Variants in ASTN1 observed in about 807,000 individuals in gnomAD.
ASTN1 encodes astrotactin 1.
In ASTN1, 41 loss-of-function variants were observed where a neutral mutation model predicts 140.7. The ratio of observed to expected loss-of-function variants is 0.29; its 90% CI spans 0.23 to 0.38. The LOEUF (loss-of-function observed/expected upper bound fraction) is 0.38, where lower values mean the gene tolerates loss of function less well. Ranked by LOEUF, ASTN1 falls within the 10% of genes least tolerant of loss-of-function variation. The probability of loss-of-function intolerance (pLI) is 1.00; values close to 1 mark genes in which losing one functional copy is unlikely to be tolerated. For missense variants in ASTN1, 1,479 were observed against 1,678.8 expected (o/e 0.88, Z 2.08); for synonymous variants, 640 against 652.2 (o/e 0.98, Z 0.29).
At chr1:177,009,837 G>A (rs951162246) in intron 8 of ASTN1, among the ~76,000 whole-genome samples, 22 of 152,090 alleles carry the variant, frequency 1.4e-4, no homozygotes, top group East Asian at 1.3e-3. Context: ...ATGAATGATC[G>A]CTCTGTCTCC....
intron 1 of ASTN1, among the ~76,000 whole-genome samples, chr1:177,149,278 GTAAATATATATATAGTA>G (rs1403096774): frequency 5.2e-4 from 43 of 82,686 alleles, no homozygotes; most frequent in Admixed American, 7.5e-4. Context: ...ACTATATATA[GTAAATATATATATAGTA>G]TATATATAGT....
At chr1:176,939,400 C>A (rs1671592550) in intron 14 of ASTN1, among the ~76,000 whole-genome samples, 1 of 152,194 alleles carries the variant, frequency 6.6e-6, no homozygotes, top group South Asian at 2.1e-4. Context: ...AACAACCGAA[C>A]TCCATTACTT....
chr1:176,876,105 G>A (rs1457064663), intron 21 of ASTN1, among the ~76,000 whole-genome samples: 1 of 152,156 alleles, frequency 6.6e-6, no homozygotes, highest in African/African-American at 2.4e-5. Context: ...CCAGGGATGG[G>A]AGGATTTAGC....
chr1:176,893,889 G>A (rs1669376334), intron 17 of ASTN1, among the ~76,000 whole-genome samples: 1 of 152,212 alleles, frequency 6.6e-6, no homozygotes, highest in South Asian at 2.1e-4. Flanking sequence ...TTCTGACACA[G>A]TTCTCCAGCC....
At chr1:177,109,146 G>T (rs1680692252) in intron 1 of ASTN1, among the ~76,000 whole-genome samples, 1 of 152,138 alleles carries the variant, frequency 6.6e-6, no homozygotes, top group African/African-American at 2.4e-5. Flanking sequence ...GTAAAACTAA[G>T]ACTGAGAATA....
chr1:177,125,262 A>G (rs1681586958), intron 1 of ASTN1, among the ~76,000 whole-genome samples: 2 of 152,342 alleles, frequency 1.3e-5, no homozygotes, highest in East Asian at 3.9e-4. Flanking sequence ...CAGAGAGAGA[A>G]GGCAATCCAA....
At chr1:177,156,614 C>A (rs995756218) in intron 1 of ASTN1, among the ~76,000 whole-genome samples, 3 of 152,172 alleles carry the variant, frequency 2.0e-5, no homozygotes, top group African/African-American at 7.2e-5. Flanking sequence ...AGAAAAAATT[C>A]TCTTATATAG....
At chr1:176,945,847 A>C in intron 13 of ASTN1, 79 bp downstream of exon 13, 1 of 1,390,706 alleles carries the variant, frequency 7.2e-7, no homozygotes, top group African/African-American at 1.4e-5. Context: ...CAACATATAA[A>C]GCTTTATGCT....
chr1:177,114,702 C>T (rs1250735954), intron 1 of ASTN1, among the ~76,000 whole-genome samples: 2 of 152,108 alleles, frequency 1.3e-5, no homozygotes, highest in African/African-American at 4.8e-5. Context: ...GCAATTTTAT[C>T]ACATGTGTAG....
chr1:176,905,627 T>C (rs990221827), intron 16 of ASTN1, among the ~76,000 whole-genome samples: 12 of 152,286 alleles, frequency 7.9e-5, no homozygotes, highest in African/African-American at 2.9e-4. Flanking sequence ...CTTCCCTGCC[T>C]GCTGGAGCCA....
chr1:177,058,785 A>C (rs947052139), intron 2 of ASTN1, among the ~76,000 whole-genome samples: 1 of 151,538 alleles, frequency 6.6e-6, no homozygotes, highest in African/African-American at 2.4e-5. Context: ...TGGTGCTCCC[A>C]TCCCCCCAGC....
In ASTN1 at chr1:177,150,682, C is replaced by T. The variant is rs139339445; in HGVS notation, c.283+13712G>A. 4.0e-3 allele frequency among the ~76,000 whole-genome samples: 610 copies of T among 152,128 alleles called. 8 individuals carry two copies. Among genetic ancestry groups the T allele is most frequent in the African/African-American group, 0.014 (585 of 41,504 alleles). ...ATTTTTAGGGATGAGAAGGGTGTGA[C>T]CCTAGTTATGGGTAAGTAAAATGGA... On this transcript the variant is annotated intron_variant, in intron 1 of 22. Coordinates refer to ENST00000361833, the MANE Select transcript of ASTN1 (RefSeq NM_004319.3).
chr1:177,029,827 C>T, intron 4 of ASTN1, 86 bp from the exon 5 acceptor site: 3 of 1,290,312 alleles, frequency 2.3e-6, no homozygotes, highest in Non-Finnish European at 3.2e-6. Context: ...ATGGGAAAAT[C>T]AACAAAAATG....
chr1:176,880,021 C>G (rs1043732976), intron 20 of ASTN1, among the ~76,000 whole-genome samples: 1 of 152,200 alleles, frequency 6.6e-6, no homozygotes, highest in Non-Finnish European at 1.5e-5. Flanking sequence ...ACACTCAGCA[C>G]CCTCAGAGGG....
intron 1 of ASTN1, among the ~76,000 whole-genome samples, chr1:177,148,581 A>C (rs1355134658): frequency 1.3e-5 from 2 of 151,386 alleles, no homozygotes; most frequent in Non-Finnish European, 2.9e-5. Context: ...GGAAATAACT[A>C]GGCCTTTGAA....
At chr1:177,154,733 G>C (rs1398411720) in intron 1 of ASTN1, among the ~76,000 whole-genome samples, 1 of 151,488 alleles carries the variant, frequency 6.6e-6, no homozygotes, top group Non-Finnish European at 1.5e-5. Flanking sequence ...AACAGTGAGT[G>C]AAAACTGAGA....
intron 16 of ASTN1, among the ~76,000 whole-genome samples, chr1:176,927,214 A>T (rs1008430053): frequency 1.3e-5 from 2 of 152,228 alleles, no homozygotes; most frequent in Non-Finnish European, 2.9e-5. Context: ...GCAACTGGCC[A>T]GGACAAAAAA....
chr1:177,093,647 A>C (rs888176181), intron 1 of ASTN1, among the ~76,000 whole-genome samples: 1 of 152,206 alleles, frequency 6.6e-6, no homozygotes, highest in African/African-American at 2.4e-5. Context: ...GATCCTGCAC[A>C]CACCCTCAAG....
chr1:177,063,130 A>C (rs941448709), intron 1 of ASTN1, among the ~76,000 whole-genome samples: 2 of 152,202 alleles, frequency 1.3e-5, no homozygotes, highest in Admixed American at 1.3e-4. Flanking sequence ...GAAGAATATC[A>C]GCTGGTCCGC....
Sources: gnomAD v4.1 joint callset for allele counts (sites outside exome capture counted in the v4.1 genomes callset) on GRCh38, gnomAD v4.1.1 for gene constraint, MANE v1.5 for transcripts, NCBI Gene and HGNC (gene_info 2026-07-23, HGNC 2026-07-21) for gene names.